The following HDAC9 variants were observed in gnomAD, a reference collection of about 807,000 sequenced individuals.
HDAC9 encodes the protein histone deacetylase 9, also known as MEF-2 interacting transcription repressor (MITR) protein.
A neutral mutation model predicts 139.4 loss-of-function variants in HDAC9; 41 were observed. The ratio of observed to expected loss-of-function variants is 0.29; its 90% CI spans 0.23 to 0.38. The LOEUF (loss-of-function observed/expected upper bound fraction) is 0.38. Among genes scored for constraint, HDAC9 ranks in the 10% least tolerant of loss-of-function variants. HDAC9 has a pLI of 1.00. For synonymous variants in HDAC9, 517 were observed against 476.2 expected, an observed-to-expected ratio of 1.09 and a Z score of -1.12; for missense variants, 1,147 against 1,297.0, an observed-to-expected ratio of 0.88 and a Z score of 1.78.
intron 1 of HDAC9, among the ~76,000 whole-genome samples, chr7:18,131,221 T>C (rs1194359620): frequency 6.6e-6 from 1 of 152,130 alleles, no homozygotes; most frequent in African/African-American, 2.4e-5. Context: ...CGTACCCAAA[T>C]CTCTTCCAGT....
At chr7:18,401,153 G>A (rs1213795654) in intron 1 of HDAC9, among the ~76,000 whole-genome samples, 6 of 152,042 alleles carry the variant, frequency 3.9e-5, no homozygotes, top group Admixed American at 3.9e-4. Context: ...GCTTTTAGTT[G>A]GTATTTTTAA....
At chr7:18,865,050 C>G (rs915993739) in intron 21 of HDAC9, among the ~76,000 whole-genome samples, 1 of 152,080 alleles carries the variant, frequency 6.6e-6, no homozygotes, top group Admixed American at 6.6e-5. Context: ...GTCATTAAAA[C>G]AAACAAAACA....
chr7:18,638,141 T>C (rs567899095), intron 8 of HDAC9, among the ~76,000 whole-genome samples: 1 of 152,240 alleles, frequency 6.6e-6, no homozygotes, highest in South Asian at 2.1e-4. Flanking sequence ...TAAGCAACAC[T>C]GGTAAGTTTT....
chr7:18,810,081 C>G (rs1475705450), intron 17 of HDAC9, among the ~76,000 whole-genome samples: 1 of 151,816 alleles, frequency 6.6e-6, no homozygotes, highest in African/African-American at 2.4e-5. Context: ...CGTGGATGTT[C>G]CTGGAAGACA....
intron 17 of HDAC9, among the ~76,000 whole-genome samples, chr7:18,804,716 G>T (rs1376854088): frequency 6.6e-6 from 1 of 152,180 alleles, no homozygotes; most frequent in Non-Finnish European, 1.5e-5. Context: ...AACAGCCAAA[G>T]AAGACTGCAA....
At chr7:18,710,594 G>A (rs1784274592) in intron 12 of HDAC9, among the ~76,000 whole-genome samples, 2 of 152,100 alleles carry the variant, frequency 1.3e-5, no homozygotes, top group African/African-American at 2.4e-5. Flanking sequence ...TAAATATTCA[G>A]AATATTAGCT....
intron 2 of HDAC9, among the ~76,000 whole-genome samples, chr7:18,165,003 C>A (rs1238994624): frequency 6.6e-6 from 1 of 152,150 alleles, no homozygotes; most frequent in African/African-American, 2.4e-5. Context: ...GGGACAGCAC[C>A]CTTTCATGGG....
intron 1 of HDAC9, among the ~76,000 whole-genome samples, chr7:18,140,206 TG>T (rs1785795807): frequency 1.3e-5 from 2 of 152,236 alleles, no homozygotes; most frequent in South Asian, 4.2e-4. Context: ...CCCTTCTACC[TG>T]GGAAAGGACC....
At chr7:18,479,513 A>T (rs112508351) in intron 1 of HDAC9, among the ~76,000 whole-genome samples, 1 of 152,166 alleles carries the variant, frequency 6.6e-6, no homozygotes, top group South Asian at 2.1e-4. Context: ...ATTTGAACCA[A>T]TAATGTATTC....
intron 1 of HDAC9, among the ~76,000 whole-genome samples, chr7:18,128,022 A>T (rs1265711301): frequency 1.3e-5 from 2 of 152,106 alleles, no homozygotes; most frequent in Admixed American, 1.3e-4. Flanking sequence ...TACAATTTTT[A>T]TTTCTTGAGT....
chr7:18,140,320 A>C (rs987187800), intron 1 of HDAC9, among the ~76,000 whole-genome samples: 4 of 152,164 alleles, frequency 2.6e-5, no homozygotes, highest in Non-Finnish European at 5.9e-5. Context: ...TGGCAAAAGA[A>C]GAAATTGTGG....
intron 2 of HDAC9, among the ~76,000 whole-genome samples, chr7:18,231,723 A>G (rs1793474009): frequency 6.6e-6 from 1 of 152,180 alleles, no homozygotes; most frequent in Non-Finnish European, 1.5e-5. Flanking sequence ...CAGAAAATTG[A>G]TGCAGAAGGA....
intron 11 of HDAC9, among the ~76,000 whole-genome samples, chr7:18,656,478 A>G (rs1363072790): frequency 6.6e-6 from 1 of 152,138 alleles, no homozygotes; most frequent in Non-Finnish European, 1.5e-5. Context: ...CATAGCTCAC[A>G]TGAATTGCAA....
chr7:18,889,989 C>T (rs997846054), intron 22 of HDAC9, among the ~76,000 whole-genome samples: 3 of 152,292 alleles, frequency 2.0e-5, no homozygotes, highest in East Asian at 1.9e-4. Context: ...CGTGAGCCAC[C>T]GCCACTGGCC....
intron 1 of HDAC9, among the ~76,000 whole-genome samples, chr7:18,453,178 G>A (rs993697304): frequency 1.3e-5 from 2 of 152,102 alleles, no homozygotes; most frequent in Non-Finnish European, 2.9e-5. Flanking sequence ...GGTTTCAAAA[G>A]ACTGGAATGT....
At chr7:18,659,727 A>C (rs1562793948) in intron 11 of HDAC9, among the ~76,000 whole-genome samples, 1 of 152,170 alleles carries the variant, frequency 6.6e-6, no homozygotes, top group Non-Finnish European at 1.5e-5. Flanking sequence ...TCCCCACTGA[A>C]GTAACTCACC....
chr7:18,284,947 G>A (rs1222161417), intron 2 of HDAC9, among the ~76,000 whole-genome samples: 1 of 152,164 alleles, frequency 6.6e-6, no homozygotes, highest in African/African-American at 2.4e-5. Flanking sequence ...AATGACAGTT[G>A]TTTCCACATT....
At chr7:18,809,279 C>T (rs2129188941) in intron 17 of HDAC9, among the ~76,000 whole-genome samples, 1 of 151,978 alleles carries the variant, frequency 6.6e-6, no homozygotes, top group African/African-American at 2.4e-5. Flanking sequence ...AGGGTCTTGG[C>T]AATGATTTTT....
intron 25 of HDAC9, among the ~76,000 whole-genome samples, chr7:18,983,500 T>G (rs562402891): frequency 1.3e-5 from 2 of 152,310 alleles, no homozygotes; most frequent in East Asian, 3.9e-4. Flanking sequence ...ATATGGAAAT[T>G]TTATTTTTAA....
Sources: gnomAD v4.1 joint callset for allele counts (sites outside exome capture counted in the v4.1 genomes callset) on GRCh38, gnomAD v4.1.1 for gene constraint, MANE v1.5 for transcripts, NCBI Gene and HGNC (gene_info 2026-07-23, HGNC 2026-07-21) for gene names.